CADPS2: variants seen among roughly 807,000 people sequenced by gnomAD.
The protein encoded by CADPS2 is calcium-dependent secretion activator 2.
CADPS2 carries 93 observed loss-of-function variants against 172.5 expected under a neutral mutation model. That is an observed-to-expected ratio of 0.54 (90% CI 0.46 to 0.64). CADPS2 has a LOEUF of 0.64. CADPS2 is among the 30% of genes least tolerant of loss of function. The probability of loss-of-function intolerance (pLI) is 0.00; values close to 1 mark genes in which losing one functional copy is unlikely to be tolerated. For synonymous variants in CADPS2, 546 were observed against 555.2 expected (o/e 0.98, Z 0.23); for missense variants, 1,420 against 1,565.9 (o/e 0.91, Z 1.57).
At chr7:122,784,930 C>A (rs1411270251) in intron 1 of CADPS2, among the ~76,000 whole-genome samples, 1 of 152,022 alleles carries the variant, frequency 6.6e-6, no homozygotes, top group East Asian at 1.9e-4. Flanking sequence ...TCCTTTTTCA[C>A]CTTGTTGAAC....
At chr7:122,577,251 G>A (rs1010839148) in intron 7 of CADPS2, among the ~76,000 whole-genome samples, 4 of 151,986 alleles carry the variant, frequency 2.6e-5, no homozygotes, top group South Asian at 4.1e-4. Flanking sequence ...TCACAGCAGC[G>A]TGAGAATGGG....
At chr7:122,631,372 A>G (rs185303758) in intron 3 of CADPS2, among the ~76,000 whole-genome samples, 36 of 152,288 alleles carry the variant, frequency 2.4e-4, no homozygotes, top group Admixed American at 2.2e-3. Context: ...CTCTTACTTA[A>G]GTGTAAGTGA....
intron 27 of CADPS2, among the ~76,000 whole-genome samples, chr7:122,356,979 G>A (rs1335031018): frequency 6.6e-6 from 1 of 152,064 alleles, no homozygotes; most frequent in Non-Finnish European, 1.5e-5. Flanking sequence ...GTTGCTACTG[G>A]GGCATCACTG....
intron 2 of CADPS2, chr7:122,702,127 A>C: frequency 6.2e-7 from 1 of 1,613,672 alleles, no homozygotes; most frequent in South Asian, 1.1e-5. Flanking sequence ...TCCAGACGCA[A>C]TCTAAGTAAA....
intron 15 of CADPS2, among the ~76,000 whole-genome samples, chr7:122,447,935 AT>A (rs369889182): frequency 5.9e-5 from 9 of 151,854 alleles, no homozygotes; most frequent in East Asian, 1.9e-4. Context: ...TAAAAGGAAC[AT>A]TTTTTTTAGT....
chr7:122,630,912 T>C (rs942284557), intron 3 of CADPS2, among the ~76,000 whole-genome samples: 7 of 152,182 alleles, frequency 4.6e-5, no homozygotes, highest in African/African-American at 1.7e-4. Flanking sequence ...TAGGAGTTTC[T>C]ATGTCATCTC....
intron 15 of CADPS2, among the ~76,000 whole-genome samples, chr7:122,441,897 G>C (rs553121833): frequency 1.3e-5 from 2 of 152,188 alleles, no homozygotes; most frequent in African/African-American, 2.4e-5. Context: ...ATAATTTCTT[G>C]TTTAAGAATT....
chr7:122,645,530 A>ATT (rs2078400200), intron 3 of CADPS2, among the ~76,000 whole-genome samples: 2 of 122,116 alleles, frequency 1.6e-5, no homozygotes, highest in Admixed American at 8.4e-5. Context: ...ATATATAAGT[A>ATT]TATATATATA....
At chr7:122,442,850 T>C (rs936070394) in intron 15 of CADPS2, among the ~76,000 whole-genome samples, 1 of 152,160 alleles carries the variant, frequency 6.6e-6, no homozygotes, top group Non-Finnish European at 1.5e-5. Context: ...TTTCTTAATC[T>C]TGCTGCTACA....
chr7:122,751,321 A>T (rs1257767961), intron 1 of CADPS2, among the ~76,000 whole-genome samples: 1 of 152,066 alleles, frequency 6.6e-6, no homozygotes, highest in Non-Finnish European at 1.5e-5. Context: ...CAAATTTCTC[A>T]TTAGAAATAA....
intron 3 of CADPS2, among the ~76,000 whole-genome samples, chr7:122,638,722 C>G (rs2077311187): frequency 1.3e-5 from 2 of 152,286 alleles, no homozygotes; most frequent in Admixed American, 1.3e-4. Context: ...GTATGGATCC[C>G]CTGAGGACTC....
intron 24 of CADPS2, 101 bp from the exon 25 acceptor site, chr7:122,379,543 T>A (rs2042751200): frequency 1.4e-6 from 1 of 726,988 alleles, no homozygotes; most frequent in Middle Eastern, 3.1e-4. Context: ...CTATCAGATT[T>A]ATTTAAAATG....
chr7:122,629,458 A>G (rs1026510699), intron 3 of CADPS2, 130 bp from the exon 4 acceptor site: 8 of 510,786 alleles, frequency 1.6e-5, no homozygotes, highest in African/African-American at 4.0e-5. Context: ...ATTGTATCAG[A>G]TATCTATTAC....
intron 2 of CADPS2, chr7:122,701,705 T>C (rs2086125126): frequency 1.9e-6 from 1 of 524,066 alleles, no homozygotes; most frequent in African/African-American, 1.9e-5. Flanking sequence ...AAACACAAAT[T>C]TCACCCTTGT....
intron 2 of CADPS2, among the ~76,000 whole-genome samples, chr7:122,684,226 T>C (rs1482656996): frequency 6.6e-6 from 1 of 152,158 alleles, no homozygotes; most frequent in African/African-American, 2.4e-5. Context: ...TATCATTATA[T>C]GTCGTTTCAC....
chr7:122,820,709 G>A lies in CADPS2; in HGVS notation c.339+65290C>T, dbSNP rs1176590488. On this transcript the variant is annotated intron_variant, in intron 1 of 29. Transcript: ENST00000449022. ...CGAGTAGCTGGGACTACAGGCGCCC[G>A]CTACCACGCCCGGCTAATTTTTTGT... Among the ~76,000 whole-genome samples the A allele has an allele frequency of 1.8e-4, 24 of 133,666 alleles. 5 individuals are homozygous for A. The highest frequency in any genetic ancestry group is 2.7e-4 in the Non-Finnish European group (17 of 62,792). The allele number at this position is 133,666 out of a possible 152,430, so 87.7% of individuals were successfully genotyped here.
intron 1 of CADPS2, among the ~76,000 whole-genome samples, chr7:122,784,217 C>T (rs1793479324): frequency 6.6e-6 from 1 of 152,128 alleles, no homozygotes; most frequent in Admixed American, 6.6e-5. Flanking sequence ...CTATCTCATC[C>T]TCCTCCCTAA....
intron 8 of CADPS2, among the ~76,000 whole-genome samples, chr7:122,545,381 G>C (rs2063519419): frequency 1.3e-5 from 2 of 152,116 alleles, no homozygotes; most frequent in South Asian, 4.1e-4. Context: ...GAAAGAAATA[G>C]ATTTGAGCAA....
chr7:122,480,602 G>A (rs2057171667), intron 12 of CADPS2, among the ~76,000 whole-genome samples: 1 of 151,820 alleles, frequency 6.6e-6, no homozygotes, highest in African/African-American at 2.4e-5. Context: ...CATTTGTTTT[G>A]CACGTTATTA....
Sources: gnomAD v4.1 joint callset for allele counts (sites outside exome capture counted in the v4.1 genomes callset) on GRCh38, gnomAD v4.1.1 for gene constraint, MANE v1.5 for transcripts, NCBI Gene and HGNC (gene_info 2026-07-23, HGNC 2026-07-21) for gene names.